CLCC1: variants seen among roughly 807,000 people sequenced by gnomAD.
CLCC1 encodes chloride channel CLIC like 1.
In CLCC1, 39 loss-of-function variants were observed where a neutral mutation model predicts 63.3. That is an observed-to-expected ratio of 0.62 (90% CI 0.48 to 0.81). CLCC1 has a LOEUF of 0.81. Among genes scored for constraint, CLCC1 ranks in the 30% least tolerant of loss-of-function variants. The pLI is 0.00. For synonymous variants in CLCC1, 217 were observed against 239.8 expected (o/e 0.90, Z 0.88); for missense variants, 549 against 669.4 (o/e 0.82, Z 1.98).
intron 5 of CLCC1, among the ~76,000 whole-genome samples, chr1:108,947,122 C>A (rs1028773239): frequency 1.3e-5 from 2 of 151,574 alleles, no homozygotes; most frequent in Non-Finnish European, 2.9e-5. Context: ...CAAGATTGCA[C>A]GACGGTACTC....
intron 1 of CLCC1, among the ~76,000 whole-genome samples, chr1:108,962,757 T>C (rs1420936957): frequency 1.3e-5 from 2 of 151,796 alleles, no homozygotes; most frequent in Non-Finnish European, 2.9e-5. Context: ...TGTGGTCCCA[T>C]CTACTCAGGT....
At chr1:108,942,153 G>A (rs918918318) in intron 7 of CLCC1, among the ~76,000 whole-genome samples, 4 of 152,226 alleles carry the variant, frequency 2.6e-5, no homozygotes, top group East Asian at 1.9e-4. Context: ...CAAGAGAATC[G>A]CTTGAACCCG....
chr1:108,937,831 A>C (rs183010450), intron 10 of CLCC1, among the ~76,000 whole-genome samples: 1 of 152,360 alleles, frequency 6.6e-6, no homozygotes, highest in East Asian at 1.9e-4. Context: ...TCTTTTTACA[A>C]ATATAAACTA....
At position 108,937,427 on chromosome 1, in the gene CLCC1, A is replaced by C; in HGVS notation, c.1042-9T>G. On this transcript the variant is annotated splice_polypyrimidine_tract_variant and intron_variant, in intron 10 of 12. Transcript: ENST00000369969. The stretch of plus-strand genomic sequence containing the variant: ...GCACCATAGCAGAAACTCTGTAAGG[A>C]AAAGAAATACATTTTCCTGAGGACT... The C allele has an allele frequency of 6.4e-7, 1 of 1,559,810 alleles. No individual in the cohort carries two copies. Among genetic ancestry groups the C allele is most frequent in the Non-Finnish European group, 8.7e-7 (1 of 1,153,854 alleles).
rs950491509 is a variant in CLCC1, at chr1:108,930,496, T to C, written c.*2051A>G. On this transcript the variant is annotated 3_prime_UTR_variant, in exon 13 of 13. Coordinates refer to ENST00000369969, the MANE Select transcript of CLCC1 (RefSeq NM_001377458.1). ...TCTTGGGCTGGGCATGGTGGCTCATTCCTGTAATCCCAGCACATTGGGAGG... is the reference window on the plus strand; with the variant it reads ...TCTTGGGCTGGGCATGGTGGCTCATCCCTGTAATCCCAGCACATTGGGAGG... 2.0e-5 allele frequency: 3 copies of C among 152,636 alleles called. No homozygotes were observed. The highest frequency in any genetic ancestry group is 4.9e-5 in the African/African-American group (2 of 41,154). 9.5% of individuals were successfully genotyped at this position (152,636 alleles called of 1,614,324 possible).
At chr1:108,955,125 A>G (rs1655714426) in intron 2 of CLCC1, among the ~76,000 whole-genome samples, 1 of 150,864 alleles carries the variant, frequency 6.6e-6, no homozygotes, top group South Asian at 2.1e-4. Flanking sequence ...GGTTACAGGC[A>G]TGAGCCACCA....
chr1:108,947,501 G>A, intron 5 of CLCC1, 110 bp downstream of exon 5: 1 of 641,664 alleles, frequency 1.6e-6, no homozygotes, highest in Non-Finnish European at 2.6e-6. Flanking sequence ...GAGTCAGTCA[G>A]GTGGTCTCTG....
intron 11 of CLCC1, among the ~76,000 whole-genome samples, chr1:108,935,309 T>C (rs1652737195): frequency 6.6e-6 from 1 of 152,184 alleles, no homozygotes; most frequent in South Asian, 2.1e-4. Context: ...AGGAACAAAA[T>C]ACATAAAACT....
rs1654118745 is a variant in CLCC1, at chr1:108,943,499, T to C, written c.678A>G (p.Gly226=). Residue 226 remains glycine, a synonymous_variant, in exon 7 of 13, where the codon GGA becomes GGG. Transcript: ENST00000369969. The part of the protein sequence containing the change: ...VLIISFLFSL[G]WNWMYLYKLA... Reference sequence around the variant, plus strand: ...CCTTATATAAATACATCCAATTCCATCCCAAACTGAACAGAAAGCTGATGA... The same window carrying C: ...CCTTATATAAATACATCCAATTCCACCCCAAACTGAACAGAAAGCTGATGA... The C allele has an allele frequency of 1.9e-6, 3 of 1,613,908 alleles. No homozygotes were observed. The South Asian group carries it at 3.3e-5, about 18-fold the overall frequency.
chr1:108,946,154 C>T (rs2101666086), intron 5 of CLCC1, among the ~76,000 whole-genome samples: 1 of 152,152 alleles, frequency 6.6e-6, no homozygotes, highest in African/African-American at 2.4e-5. Flanking sequence ...ACTGAAAATA[C>T]AAAAAATTAG....
Position 108,951,789 on chromosome 1 carries a change from C to T in CLCC1, c.-11-1341G>A, listed in dbSNP as rs1655216295. Among the ~76,000 whole-genome samples the T allele has an allele frequency of 3.9e-5, 5 of 129,824 alleles. No homozygotes were observed. In the South Asian group the frequency reaches 1.2e-3, roughly 31 times the overall value. The allele number at this position is 129,824 out of a possible 152,430, so 85.2% of individuals were successfully genotyped here. On this transcript the variant is annotated intron_variant, in intron 2 of 12. Coordinates refer to ENST00000369969, the MANE Select transcript of CLCC1 (RefSeq NM_001377458.1). ...TACTTTTTTTTTTTTTTTTTTGAGA[C>T]AGGGTCTCTCCCTCTGTTGCCCAGG...
At position 108,931,890 on chromosome 1, in the gene CLCC1, AG is replaced by A. The variant is rs1420852852; in HGVS notation, c.*656del. The A allele has an allele frequency of 1.2e-5, 2 of 160,222 alleles. No individual in the cohort carries two copies. The highest frequency in any genetic ancestry group is 2.7e-5 in the Non-Finnish European group (2 of 73,022). 9.9% of individuals were successfully genotyped at this position (160,222 alleles called of 1,614,324 possible). On this transcript the variant is annotated 3_prime_UTR_variant, in exon 13 of 13. Coordinates refer to ENST00000369969, the MANE Select transcript of CLCC1 (RefSeq NM_001377458.1). Reference sequence around the variant, plus strand: ...TTGTGTATTATTTTGTGTATACAATAGTTCTTACAGCCTGTAAACATTCAAC... The same window carrying A: ...TTGTGTATTATTTTGTGTATACAATATTCTTACAGCCTGTAAACATTCAAC...
intron 5 of CLCC1, among the ~76,000 whole-genome samples, chr1:108,944,476 A>C (rs1654270490): frequency 6.6e-6 from 1 of 152,124 alleles, no homozygotes; most frequent in Admixed American, 6.5e-5. Context: ...CTCTAAAAAA[A>C]AAAAATAATA....
In CLCC1 at chr1:108,930,903, A is replaced by C. The variant is rs1356785475; in HGVS notation, c.*1644T>G. 1 of 126,726 alleles carries C rather than the reference A, an allele frequency of 7.9e-6. No homozygotes were observed. The highest frequency in any genetic ancestry group is 1.6e-5 in the Non-Finnish European group (1 of 60,858). 7.9% of individuals were successfully genotyped at this position (126,726 alleles called of 1,614,324 possible). A position where few individuals can be genotyped will look rare whatever the true frequency, so the allele number is the denominator to read the frequency against. On this transcript the variant is annotated 3_prime_UTR_variant, in exon 13 of 13. Coordinates refer to ENST00000369969, the MANE Select transcript of CLCC1 (RefSeq NM_001377458.1). ...AAGACTCTGTCTCAAAAAAAAAAAA[A>C]ACAGCAAGCATGCTGGCACACACCT...
rs1238909052 is a variant in CLCC1 at position 108,963,374 on chromosome 1, T to G, written c.-186A>C. The G allele has an allele frequency of 4.3e-6, 3 of 700,400 alleles. No homozygotes were observed. The highest frequency in any genetic ancestry group is 7.8e-6 in the Non-Finnish European group (3 of 383,576). 43.4% of individuals were successfully genotyped at this position (700,400 alleles called of 1,614,324 possible). A position where few individuals can be genotyped will look rare whatever the true frequency, so the allele number is the denominator to read the frequency against. On this transcript the variant is annotated 5_prime_UTR_variant, in exon 1 of 13. Coordinates refer to ENST00000369969, the MANE Select transcript of CLCC1 (RefSeq NM_001377458.1). ...GCACGGACTCACGTCCGGGATCCCC[T>G]GCCTGCCTCTCGAGGAAGACACCTG...
chr1:108,943,342 C>A (rs1489078133), intron 7 of CLCC1, 133 bp downstream of exon 7: 7 of 831,046 alleles, frequency 8.4e-6, no homozygotes, highest in African/African-American at 3.5e-5. Flanking sequence ...CATTTAATTC[C>A]TCTCCAGCGT....
intron 5 of CLCC1, among the ~76,000 whole-genome samples, chr1:108,946,659 G>T (rs1178202970): frequency 6.6e-6 from 1 of 152,120 alleles, no homozygotes; most frequent in Admixed American, 6.6e-5. Flanking sequence ...CAAGACCAAA[G>T]GCTGGTCTCT....
Position 108,939,576 on chromosome 1 carries a change from T to A in CLCC1, c.1041+60A>T, listed in dbSNP as rs1213814515. 2.6e-6 allele frequency: 4 copies of A among 1,515,640 alleles called. No individual in the cohort carries two copies. The South Asian group carries it at 3.6e-5, about 14-fold the overall frequency. 93.9% of individuals were successfully genotyped at this position (1,515,640 alleles called of 1,614,324 possible). On this transcript the variant is annotated intron_variant, in intron 10 of 12. Coordinates refer to ENST00000369969, the MANE Select transcript of CLCC1 (RefSeq NM_001377458.1). ...CGCCCGCCTAGGCCTCCCAAAGTGC[T>A]GGGATTACAGGCGTGAGCCACCGCG...
In CLCC1 at chr1:108,931,277, CTTAG is replaced by C. The variant is rs1651906336; in HGVS notation, c.*1266_*1269del. 6.6e-7 allele frequency: 1 copy of C among 1,504,204 alleles called. No homozygotes were observed. The allele number at this position is 1,504,204 out of a possible 1,614,324, so 93.2% of individuals were successfully genotyped here. A position where few individuals can be genotyped will look rare whatever the true frequency, so the allele number is the denominator to read the frequency against. ...ATGAAAGAAAGATGTCAGCTAGAAC[CTTAG>C]TTGTCATTAAGCTTTGTCTTCCTTA... On this transcript the variant is annotated 3_prime_UTR_variant, in exon 13 of 13. Coordinates refer to ENST00000369969, the MANE Select transcript of CLCC1 (RefSeq NM_001377458.1).
Sources: allele counts gnomAD v4.1 joint callset (sites outside exome capture counted in the v4.1 genomes callset), GRCh38; gene constraint gnomAD v4.1.1; transcripts MANE v1.5; gene names NCBI Gene and HGNC (gene_info 2026-07-23, HGNC 2026-07-21).